PAX5: variants seen among roughly 807,000 people sequenced by gnomAD.
PAX5 encodes paired box protein Pax-5.
In PAX5, 9 loss-of-function variants were observed where a neutral mutation model predicts 43.7. The observed-to-expected ratio is 0.21, with a 90% CI of 0.12 to 0.36. The LOEUF (loss-of-function observed/expected upper bound fraction) is 0.36. PAX5 is among the 10% of genes least tolerant of loss of function. The pLI, the probability that PAX5 is intolerant of heterozygous loss-of-function variation, is 1.00. For synonymous variants in PAX5, 228 were observed against 214.3 expected (o/e 1.06, Z -0.56); for missense variants, 383 against 532.7 (o/e 0.72, Z 2.77).
At chr9:36,962,422 A>G (rs1171676789) in intron 6 of PAX5, among the ~76,000 whole-genome samples, 1 of 152,172 alleles carries the variant, frequency 6.6e-6, no homozygotes, top group East Asian at 1.9e-4. Context: ...TCTGTGAAAA[A>G]AAATGTTCTA....
At position 36,838,907 on chromosome 9, in the gene PAX5, C is replaced by T. The variant is rs1348209146; in HGVS notation, c.*1653G>A. The stretch of plus-strand genomic sequence containing the variant: ...AGGACCAGGACAAGACCTGCCTGGC[C>T]TGCTGATCCCAAGTCCAGTCTCTCT... On this transcript the variant is annotated 3_prime_UTR_variant, in exon 10 of 10. Coordinates refer to ENST00000358127, the MANE Select transcript of PAX5 (RefSeq NM_016734.3). The T allele has an allele frequency of 2.1e-5, 5 of 233,260 alleles. No individual in the cohort carries two copies. Among genetic ancestry groups the T allele is most frequent in the Non-Finnish European group, 4.2e-5 (5 of 118,116 alleles). 14.4% of individuals were successfully genotyped at this position (233,260 alleles called of 1,614,324 possible). A position where few individuals can be genotyped will look rare whatever the true frequency, so the allele number is the denominator to read the frequency against.
At chr9:36,928,953 C>A (rs1365042965) in intron 6 of PAX5, among the ~76,000 whole-genome samples, 1 of 152,052 alleles carries the variant, frequency 6.6e-6, no homozygotes, top group Non-Finnish European at 1.5e-5. Context: ...GACTAAACAA[C>A]AAGAACACTG....
chr9:37,012,346 C>A (rs955055671), intron 3 of PAX5, among the ~76,000 whole-genome samples: 3 of 152,220 alleles, frequency 2.0e-5, no homozygotes, highest in African/African-American at 7.2e-5. Flanking sequence ...CCATGTCTAT[C>A]TCCAAGTCAC....
rs140131248 is a variant in PAX5, at chr9:36,955,783, ATAT to A, written c.780+10763_780+10765del. On this transcript the variant is annotated intron_variant, in intron 6 of 9. Transcript: ENST00000358127. ...CTCTTTTTGTTTCAAAAAAAAAAAA[ATAT>A]ATATATATATATATATACCCACACA... 4.4e-3 allele frequency among the ~76,000 whole-genome samples: 547 copies of A among 124,802 alleles called. 1 individual carries two copies. Among genetic ancestry groups the A allele is most frequent in the South Asian group, 8.9e-3 (35 of 3,946 alleles). The allele number at this position is 124,802 out of a possible 152,430, so 81.9% of individuals were successfully genotyped here. A position where few individuals can be genotyped will look rare whatever the true frequency, so the allele number is the denominator to read the frequency against.
intron 8 of PAX5, among the ~76,000 whole-genome samples, chr9:36,865,173 C>A (rs1824745064): frequency 6.6e-6 from 1 of 152,216 alleles, no homozygotes; most frequent in East Asian, 1.9e-4. Flanking sequence ...AGGCCAGGCA[C>A]CCACTTCAGA....
chr9:36,846,973 A>C, intron 8 of PAX5, 44 bp from the exon 9 acceptor site: 1 of 1,442,890 alleles, frequency 6.9e-7, no homozygotes, highest in Non-Finnish European at 9.7e-7. Flanking sequence ...CAAACGTCAA[A>C]TCCAGTTCAG....
At chr9:36,944,934 T>A (rs1447243213) in intron 6 of PAX5, among the ~76,000 whole-genome samples, 3 of 152,210 alleles carry the variant, frequency 2.0e-5, no homozygotes, top group African/African-American at 7.2e-5. Context: ...GAGCTGGAAG[T>A]GGTACTGACA....
intron 7 of PAX5, among the ~76,000 whole-genome samples, chr9:36,915,343 G>T (rs1829649631): frequency 6.6e-6 from 1 of 152,190 alleles, no homozygotes; most frequent in Admixed American, 6.5e-5. Flanking sequence ...TGTGTGAAAA[G>T]ATAAGTTTCT....
chr9:36,931,550 C>T (rs1193901039), intron 6 of PAX5, among the ~76,000 whole-genome samples: 4 of 151,852 alleles, frequency 2.6e-5, no homozygotes, highest in Admixed American at 2.6e-4. Context: ...CATTAAATAA[C>T]AAAAAACAAA....
chr9:36,922,135 C>T (rs751478763), intron 7 of PAX5, among the ~76,000 whole-genome samples: 3 of 152,180 alleles, frequency 2.0e-5, no homozygotes, highest in Non-Finnish European at 4.4e-5. Flanking sequence ...TCTGCCTGAG[C>T]CTCAGTGCTG....
intron 8 of PAX5, among the ~76,000 whole-genome samples, chr9:36,848,838 C>T (rs775493933): frequency 1.3e-5 from 2 of 152,224 alleles, no homozygotes; most frequent in Non-Finnish European, 2.9e-5. Context: ...GTCCATCTGG[C>T]TGGAGTTAGT....
chr9:36,955,209 C>T (rs1999144), intron 6 of PAX5, among the ~76,000 whole-genome samples: 138,037 of 151,948 alleles, frequency 0.91, 62,825 homozygotes, highest in Non-Finnish European at 0.95. Context: ...CTCATTTTGC[C>T]CGTTATGTCT....
chr9:36,940,520 A>G (rs1356801335), intron 6 of PAX5, among the ~76,000 whole-genome samples: 1 of 152,120 alleles, frequency 6.6e-6, no homozygotes, highest in Non-Finnish European at 1.5e-5. Context: ...ATGCTTGCGC[A>G]CACGACCCCC....
chr9:37,020,921 C>T, intron 1 of PAX5, 120 bp from the exon 2 acceptor site: 1 of 1,024,592 alleles, frequency 9.8e-7, no homozygotes, highest in Non-Finnish European at 1.4e-6. Context: ...GGCTGGATGT[C>T]TCGCGCCTGG....
At chr9:37,027,453 A>G (rs1840515053) in intron 1 of PAX5, among the ~76,000 whole-genome samples, 1 of 152,026 alleles carries the variant, frequency 6.6e-6, no homozygotes, top group Non-Finnish European at 1.5e-5. Context: ...GTCTGATTCC[A>G]CTGTCTTTCC....
rs535762190 is a variant in PAX5 at position 36,919,570 on chromosome 9, A to G, written c.910+3785T>C. Among the ~76,000 whole-genome samples the G allele has an allele frequency of 2.6e-3, 395 of 152,278 alleles. 3 individuals carry two copies. The highest frequency in any genetic ancestry group is 8.4e-3 in the African/African-American group (349 of 41,562). The stretch of plus-strand genomic sequence containing the variant: ...AAGAACATTCACAATTTGGCTGGGC[A>G]CGGTGGCTCACGCCTGTAATCCCAG... On this transcript the variant is annotated intron_variant, in intron 7 of 9. Coordinates refer to ENST00000358127, the MANE Select transcript of PAX5 (RefSeq NM_016734.3).
At chr9:37,020,565 G>T in intron 2 of PAX5, 71 bp downstream of exon 2, 1 of 1,453,228 alleles carries the variant, frequency 6.9e-7, no homozygotes, top group Non-Finnish European at 9.6e-7. Flanking sequence ...CTGTCATATT[G>T]GACAGCTGCT....
chr9:36,868,122 G>A (rs1825079155), intron 8 of PAX5, among the ~76,000 whole-genome samples: 1 of 152,214 alleles, frequency 6.6e-6, no homozygotes, highest in African/African-American at 2.4e-5. Context: ...GGTAACAAGG[G>A]CCATTGTCTC....
chr9:36,848,731 C>T (rs1232531011), intron 8 of PAX5, among the ~76,000 whole-genome samples: 1 of 152,188 alleles, frequency 6.6e-6, no homozygotes, highest in African/African-American at 2.4e-5. Flanking sequence ...ACCTCTGCAT[C>T]TTTGTTTAGC....
Sources: gnomAD v4.1 joint callset for allele counts (sites outside exome capture counted in the v4.1 genomes callset) on GRCh38, gnomAD v4.1.1 for gene constraint, MANE v1.5 for transcripts, NCBI Gene and HGNC (gene_info 2026-07-23, HGNC 2026-07-21) for gene names.